The following NRCAM variants were observed in gnomAD, a reference collection of about 807,000 sequenced individuals.
NRCAM encodes NgCAM-related cell adhesion molecule.
In NRCAM, 83 loss-of-function variants were observed where a neutral mutation model predicts 156.5. The ratio of observed to expected loss-of-function variants is 0.53; its 90% CI spans 0.44 to 0.64. NRCAM has a LOEUF of 0.64. Among genes scored for constraint, NRCAM ranks in the 30% least tolerant of loss-of-function variants. NRCAM has a pLI of 0.00. For missense variants in NRCAM, 1,417 were observed against 1,597.3 expected (o/e 0.89, Z 1.92); for synonymous variants, 538 against 563.9 (o/e 0.95, Z 0.65).
chr7:108,157,159 T>C (rs1291714985), intron 32 of NRCAM, among the ~76,000 whole-genome samples: 1 of 152,160 alleles, frequency 6.6e-6, no homozygotes, highest in Non-Finnish European at 1.5e-5. Flanking sequence ...CTTATTTCCC[T>C]TAGCACCTCC....
chr7:108,420,945 TA>T (rs1401347717), intron 1 of NRCAM, among the ~76,000 whole-genome samples: 1 of 152,186 alleles, frequency 6.6e-6, no homozygotes, highest in African/African-American at 2.4e-5. Flanking sequence ...TTTAATATAG[TA>T]AGAGCATGTT....
intron 4 of NRCAM, among the ~76,000 whole-genome samples, chr7:108,239,532 C>A (rs533438830): frequency 1.8e-4 from 27 of 152,124 alleles, no homozygotes; most frequent in Non-Finnish European, 3.5e-4. Context: ...TTGCAGACCA[C>A]CCTCAGCATA....
At chr7:108,362,082 C>A (rs189988978) in intron 2 of NRCAM, among the ~76,000 whole-genome samples, 2 of 152,118 alleles carry the variant, frequency 1.3e-5, no homozygotes, top group Non-Finnish European at 2.9e-5. Flanking sequence ...TGTCTTAGTC[C>A]GTCCAATCTG....
chr7:108,229,621 G>T (rs2094020656), intron 8 of NRCAM, among the ~76,000 whole-genome samples: 1 of 152,084 alleles, frequency 6.6e-6, no homozygotes, highest in African/African-American at 2.4e-5. Context: ...ATCTAGCCCA[G>T]GCCTCTAGGC....
intron 2 of NRCAM, among the ~76,000 whole-genome samples, chr7:108,373,208 A>C (rs903356038): frequency 1.3e-5 from 2 of 152,170 alleles, no homozygotes; most frequent in African/African-American, 4.8e-5. Context: ...GAGGAAATGG[A>C]AAATTACTAG....
intron 2 of NRCAM, among the ~76,000 whole-genome samples, chr7:108,334,936 T>C (rs756913602): frequency 2.0e-4 from 31 of 152,300 alleles, no homozygotes; most frequent in Admixed American, 7.8e-4. Context: ...TTTTGCTCTT[T>C]ATATTATATT....
Position 108,149,845 on chromosome 7 carries a change from G to A in NRCAM, c.*65C>T. Reference sequence around the variant, plus strand: ...ACCCATATGTTCATAGTATGAGAGGGCTGACAAACAAGTGCTTAGGATAAA... The same window carrying A: ...ACCCATATGTTCATAGTATGAGAGGACTGACAAACAAGTGCTTAGGATAAA... On this transcript the variant is annotated 3_prime_UTR_variant, in exon 33 of 33. Transcript: ENST00000379028. 4 of 1,291,432 alleles carry A rather than the reference G, an allele frequency of 3.1e-6. No individual in the cohort carries two copies. The highest frequency in any genetic ancestry group is 4.4e-6 in the Non-Finnish European group (4 of 914,532). The allele number at this position is 1,291,432 out of a possible 1,614,324, so 80.0% of individuals were successfully genotyped here.
chr7:108,345,697 G>A (rs1255690058), intron 2 of NRCAM, among the ~76,000 whole-genome samples: 1 of 152,176 alleles, frequency 6.6e-6, no homozygotes, highest in African/African-American at 2.4e-5. Context: ...ACCAGGAACA[G>A]GGCCTTCACC....
chr7:108,278,470 C>T (rs1444910622), intron 3 of NRCAM, among the ~76,000 whole-genome samples: 4 of 152,186 alleles, frequency 2.6e-5, no homozygotes, highest in Non-Finnish European at 4.4e-5. Context: ...CAACGGCGGA[C>T]GCCCCTCCCC....
At chr7:108,197,239 T>C (rs1399245426) in intron 14 of NRCAM, among the ~76,000 whole-genome samples, 1 of 152,196 alleles carries the variant, frequency 6.6e-6, no homozygotes, top group Non-Finnish European at 1.5e-5. Context: ...ATATCTTAAC[T>C]GCTTAGCTCT....
At chr7:108,349,934 C>T (rs1418785586) in intron 2 of NRCAM, among the ~76,000 whole-genome samples, 1 of 152,204 alleles carries the variant, frequency 6.6e-6, no homozygotes, top group Admixed American at 6.5e-5. Flanking sequence ...CTAAGTTCTA[C>T]ATGACTGGGT....
At chr7:108,380,395 C>T (rs990380125) in intron 2 of NRCAM, among the ~76,000 whole-genome samples, 2 of 152,082 alleles carry the variant, frequency 1.3e-5, no homozygotes, top group African/African-American at 4.8e-5. Context: ...TTAGCTGCAC[C>T]ATGTGCAGCT....
intron 32 of NRCAM, among the ~76,000 whole-genome samples, chr7:108,155,741 G>C (rs2044982389): frequency 6.6e-6 from 1 of 152,006 alleles, no homozygotes; most frequent in Admixed American, 6.6e-5. Flanking sequence ...ATAAATACTG[G>C]CAGAATGAGT....
intron 3 of NRCAM, among the ~76,000 whole-genome samples, chr7:108,300,556 A>G (rs2098585041): frequency 6.6e-6 from 1 of 152,220 alleles, no homozygotes. Context: ...TAGGGACACC[A>G]TTGAAAAGAC....
At chr7:108,174,569 G>A (rs983394761) in intron 28 of NRCAM, among the ~76,000 whole-genome samples, 9 of 152,204 alleles carry the variant, frequency 5.9e-5, no homozygotes, top group African/African-American at 2.2e-4. Flanking sequence ...CTTTGGCATT[G>A]CCACTAATGG....
chr7:108,358,274 G>C (rs949637901), intron 2 of NRCAM, among the ~76,000 whole-genome samples: 2 of 150,706 alleles, frequency 1.3e-5, no homozygotes, highest in African/African-American at 4.9e-5. Flanking sequence ...GCCTGACAGT[G>C]CATGCCTGTA....
intron 3 of NRCAM, among the ~76,000 whole-genome samples, chr7:108,259,043 C>CT (rs2096791078): frequency 1.3e-5 from 2 of 152,230 alleles, no homozygotes; most frequent in African/African-American, 4.8e-5. Flanking sequence ...GAGTGCCCAA[C>CT]AGCCACATGG....
At chr7:108,232,609 T>C (rs931757399) in intron 6 of NRCAM, 87 bp from the exon 7 acceptor site, 1 of 853,634 alleles carries the variant, frequency 1.2e-6, no homozygotes, top group Middle Eastern at 2.4e-4. Flanking sequence ...TATGGGTTTC[T>C]AGAAATAATT....
chr7:108,167,812 T>G (rs2055676977), intron 29 of NRCAM, among the ~76,000 whole-genome samples: 1 of 152,208 alleles, frequency 6.6e-6, no homozygotes, highest in Non-Finnish European at 1.5e-5. Context: ...ACATAATGAA[T>G]GCTCTCCCAA....
Sources: allele counts gnomAD v4.1 joint callset (sites outside exome capture counted in the v4.1 genomes callset), GRCh38; gene constraint gnomAD v4.1.1; transcripts MANE v1.5; gene names NCBI Gene and HGNC (gene_info 2026-07-23, HGNC 2026-07-21).